Variants in TBC1D5 observed in about 807,000 individuals in gnomAD.
The protein encoded by TBC1D5 is TBC1 domain family member 5.
TBC1D5 carries 75 observed loss-of-function variants against 100.3 expected under a neutral mutation model. The observed-to-expected ratio is 0.75, with a 90% CI of 0.62 to 0.91. The LOEUF (loss-of-function observed/expected upper bound fraction) is 0.91, where lower values mean the gene tolerates loss of function less well. Among genes scored for constraint, TBC1D5 ranks in the 40% least tolerant of loss-of-function variants. TBC1D5 has a pLI of 0.00. For missense variants in TBC1D5, 910 were observed against 942.4 expected (o/e 0.97, Z 0.45); for synonymous variants, 323 against 325.6 (o/e 0.99, Z 0.09).
rs577886217 is a variant in TBC1D5, at chr3:17,521,302, C to G, written c.-35-12697G>C. ...TGAGACAATAAGACCAAAACCTCTC[C>G]CCTTCCACCTCCTCCTCAGCCTACT... On this transcript the variant is annotated intron_variant, in intron 2 of 21. Coordinates refer to ENST00000253692, the Ensembl canonical transcript of TBC1D5. 3.0e-4 allele frequency among the ~76,000 whole-genome samples: 45 copies of G among 152,286 alleles called. 1 individual carries two copies. The highest frequency in any genetic ancestry group is 2.2e-3 in the Admixed American group (33 of 15,286).
intron 14 of TBC1D5, among the ~76,000 whole-genome samples, chr3:17,301,213 G>A (rs945907190): frequency 2.6e-5 from 4 of 151,882 alleles, no homozygotes; most frequent in South Asian, 4.2e-4. Flanking sequence ...CAATTTACAA[G>A]ACAAATAAAA....
chr3:17,692,298 G>A (rs1027719688), intron 1 of TBC1D5, among the ~76,000 whole-genome samples: 3 of 152,020 alleles, frequency 2.0e-5, no homozygotes, highest in African/African-American at 7.2e-5. Context: ...CGCCATGTTG[G>A]CCAGGATGCT....
chr3:17,391,788 AG>A (rs2093358854), intron 8 of TBC1D5, among the ~76,000 whole-genome samples: 1 of 152,150 alleles, frequency 6.6e-6, no homozygotes, highest in Non-Finnish European at 1.5e-5. Context: ...AGTGACAGAA[AG>A]TCTGGCAATG....
intron 18 of TBC1D5, among the ~76,000 whole-genome samples, chr3:17,187,460 C>T (rs2069276794): frequency 6.6e-6 from 1 of 152,162 alleles, no homozygotes; most frequent in South Asian, 2.1e-4. Context: ...TTTTTCTGGA[C>T]TTTTCAGCCC....
chr3:17,402,938 A>G (rs1364338959), intron 8 of TBC1D5, among the ~76,000 whole-genome samples: 1 of 152,072 alleles, frequency 6.6e-6, no homozygotes, highest in Non-Finnish European at 1.5e-5. Context: ...AACTAATTAA[A>G]TATTATTGAA....
chr3:17,692,206 C>T (rs1056018945), intron 1 of TBC1D5, among the ~76,000 whole-genome samples: 3 of 152,166 alleles, frequency 2.0e-5, no homozygotes, highest in Non-Finnish European at 4.4e-5. Flanking sequence ...GGCCTCCTGC[C>T]TCAGCCTCCC....
chr3:17,588,091 G>A (rs1224344872), intron 2 of TBC1D5, among the ~76,000 whole-genome samples: 1 of 152,016 alleles, frequency 6.6e-6, no homozygotes, highest in East Asian at 1.9e-4. Context: ...CTGAGTAGTT[G>A]TAATGTGTTT....
At chr3:17,541,931 T>C (rs1479338774) in intron 2 of TBC1D5, among the ~76,000 whole-genome samples, 2 of 152,314 alleles carry the variant, frequency 1.3e-5, no homozygotes, top group East Asian at 1.9e-4. Context: ...TACACACCTA[T>C]TATAAAGTTT....
intron 16 of TBC1D5, among the ~76,000 whole-genome samples, chr3:17,242,480 TTTG>T (rs1348787160): frequency 6.6e-6 from 1 of 152,004 alleles, no homozygotes; most frequent in African/African-American, 2.4e-5. Context: ...TATATATATT[TTTG>T]TTATTTCTTT....
intron 1 of TBC1D5, among the ~76,000 whole-genome samples, chr3:17,697,996 C>T (rs2072423650): frequency 2.0e-5 from 3 of 151,704 alleles, no homozygotes; most frequent in Admixed American, 2.0e-4. Context: ...CAATGCCATC[C>T]CCATCAAGCT....
Position 17,618,796 on chromosome 3 carries a change from G to A in TBC1D5, c.-36+5053C>T, listed in dbSNP as rs142328101. Among the ~76,000 whole-genome samples the A allele has an allele frequency of 5.8e-3, 886 of 152,350 alleles. 33 individuals carry two copies. The highest frequency in any genetic ancestry group is 0.053 in the Admixed American group (810 of 15,306). On this transcript the variant is annotated intron_variant, in intron 2 of 21. Coordinates refer to ENST00000253692, the Ensembl canonical transcript of TBC1D5. ...GGGTGGGAGTGTCCCGTTTTTCCAGGTATAGTCTGTCACGGCTTCCCTTGG... is the reference window on the plus strand; with the variant it reads ...GGGTGGGAGTGTCCCGTTTTTCCAGATATAGTCTGTCACGGCTTCCCTTGG...
At chr3:17,205,185 C>T (rs2071994765) in intron 18 of TBC1D5, among the ~76,000 whole-genome samples, 1 of 152,020 alleles carries the variant, frequency 6.6e-6, no homozygotes, top group African/African-American at 2.4e-5. Flanking sequence ...TATTTTATTC[C>T]AGTTATCATT....
At chr3:17,653,964 A>T (rs2065821705) in intron 1 of TBC1D5, among the ~76,000 whole-genome samples, 1 of 152,202 alleles carries the variant, frequency 6.6e-6, no homozygotes. Flanking sequence ...GGCAAGAAAT[A>T]ATTCACAAAA....
At chr3:17,528,562 A>C (rs1398545081) in intron 2 of TBC1D5, among the ~76,000 whole-genome samples, 1 of 152,132 alleles carries the variant, frequency 6.6e-6, no homozygotes, top group Non-Finnish European at 1.5e-5. Flanking sequence ...CAGCAGCACA[A>C]ATGGAGTAAG....
intron 2 of TBC1D5, among the ~76,000 whole-genome samples, chr3:17,537,122 A>G (rs749733892): frequency 6.6e-6 from 1 of 152,194 alleles, no homozygotes; most frequent in Admixed American, 6.5e-5. Flanking sequence ...CCTTTTCAAA[A>G]TATGTCAATG....
At chr3:17,478,053 C>A (rs1251645632) in intron 3 of TBC1D5, among the ~76,000 whole-genome samples, 1 of 151,912 alleles carries the variant, frequency 6.6e-6, no homozygotes, top group Non-Finnish European at 1.5e-5. Context: ...ATTTTAAAGA[C>A]CTCACTATAC....
At chr3:17,517,141 AT>A (rs1327510821) in intron 2 of TBC1D5, among the ~76,000 whole-genome samples, 1 of 152,230 alleles carries the variant, frequency 6.6e-6, no homozygotes, top group Non-Finnish European at 1.5e-5. Context: ...GGTCACACTC[AT>A]TAGACCCAGA....
intron 17 of TBC1D5, among the ~76,000 whole-genome samples, chr3:17,233,070 C>CT (rs2075550859): frequency 6.6e-6 from 1 of 152,058 alleles, no homozygotes; most frequent in South Asian, 2.1e-4. Flanking sequence ...TAGATGATCA[C>CT]TTTTTGTATT....
intron 3 of TBC1D5, 150 bp downstream of exon 3, chr3:17,508,324 C>G (rs994313657): frequency 1.8e-6 from 1 of 545,072 alleles, no homozygotes. Flanking sequence ...CAAGAGTGCT[C>G]TGTACATATC....
Sources: allele counts gnomAD v4.1 joint callset (sites outside exome capture counted in the v4.1 genomes callset), GRCh38; gene constraint gnomAD v4.1.1; transcripts MANE v1.5; gene names NCBI Gene and HGNC (gene_info 2026-07-23, HGNC 2026-07-21).